GOLGA6L7: variants seen among roughly 807,000 people sequenced by gnomAD.
GOLGA6L7 encodes the protein golgin subfamily A member 6-like protein 7.
In GOLGA6L7, 29 loss-of-function variants were observed where a neutral mutation model predicts 68.9. That is an observed-to-expected ratio of 0.42 (90% CI 0.31 to 0.57). GOLGA6L7 has a LOEUF of 0.57. Among genes scored for constraint, GOLGA6L7 ranks in the 20% least tolerant of loss-of-function variants. GOLGA6L7 has a pLI of 0.13. For missense variants in GOLGA6L7, 396 were observed against 588.4 expected (o/e 0.67, Z 3.38); for synonymous variants, 133 against 197.4 (o/e 0.67, Z 2.73).
chr15:28,843,097 T>A lies in GOLGA6L7; in HGVS notation c.1007A>T (p.Glu336Val), dbSNP rs1211252825. The A allele has an allele frequency of 7.7e-6, 10 of 1,302,078 alleles. No homozygotes were observed. Among genetic ancestry groups the A allele is most frequent in the Non-Finnish European group, 3.9e-6 (4 of 1,029,152 alleles). 80.7% of individuals were successfully genotyped at this position (1,302,078 alleles called of 1,614,324 possible). Residue 336 changes from glutamate to valine, a missense_variant, in exon 9 of 9, where the codon GAG becomes GTG. Transcript: ENST00000567390. Reference protein sequence around the residue: ...QMGKQEEQMGEQEEQMRKQEK... With the variant: ...QMGKQEEQMGVQEEQMRKQEK... ...CTGCTTCCGCATCTGCTCCTCCTGCTCCCCCATCTGCTCCTCCTGCTTCCC... is the reference window on the plus strand; with the variant it reads ...CTGCTTCCGCATCTGCTCCTCCTGCACCCCCATCTGCTCCTCCTGCTTCCC...
Position 28,843,217 on chromosome 15 carries a change from TCCTGCTTCCGCATCTGCTC to T in GOLGA6L7, c.868_886del (p.Glu290ArgfsTer54). 9.5e-7 allele frequency: 1 copy of T among 1,050,762 alleles called. No homozygotes were observed. The highest frequency in any genetic ancestry group is 1.7e-5 in the African/African-American group (1 of 59,432). The allele number at this position is 1,050,762 out of a possible 1,614,324, so 65.1% of individuals were successfully genotyped here. A position where few individuals can be genotyped will look rare whatever the true frequency, so the allele number is the denominator to read the frequency against. On this transcript the variant is annotated frameshift_variant, in exon 9 of 9. Coordinates refer to ENST00000567390, the MANE Select transcript of GOLGA6L7 (RefSeq NM_001365371.2). LOFTEE classifies it high-confidence loss of function. ...CTCCTCCTGCTTCCGCATCTGCTCC[TCCTGCTTCCGCATCTGCTC>T]CTCCTGCTTCCGCATCTGCTCCTCC... is the stretch of plus-strand genomic sequence containing the variant.
At position 28,842,367 on chromosome 15, in the gene GOLGA6L7, G is replaced by T; in HGVS notation, c.1737C>A (p.Asn579Lys). ...REAGKGYSHD[N>K]RTAQIMQLPP... The stretch of plus-strand genomic sequence containing the variant: ...GCAGCTGCATGATCTGTGCAGTGCG[G>T]TTGTCATGGGAATAACCCTTCCCGG... Residue 579 changes from asparagine to lysine, a missense_variant, in exon 9 of 9, where the codon AAC becomes AAA. This residue lies in a region of GOLGA6L7 where 125 missense variants were observed against 163.3 expected (regional missense o/e 0.77). Transcript: ENST00000567390. The T allele has an allele frequency of 8.1e-7, 1 of 1,236,404 alleles. No individual in the cohort carries two copies. Among genetic ancestry groups the T allele is most frequent in the Non-Finnish European group, 1.0e-6 (1 of 988,088 alleles). 76.6% of individuals were successfully genotyped at this position (1,236,404 alleles called of 1,614,324 possible).
At chr15:28,844,745 G>T (rs541154850) in intron 6 of GOLGA6L7, among the ~76,000 whole-genome samples, 1 of 152,074 alleles carries the variant, frequency 6.6e-6, no homozygotes, top group East Asian at 1.9e-4. Context: ...TTTCTTGAGT[G>T]CTTCACCAGG....
chr15:28,847,639 A>G (rs1350146603), intron 1 of GOLGA6L7, among the ~76,000 whole-genome samples: 2 of 152,286 alleles, frequency 1.3e-5, no homozygotes, highest in Admixed American at 1.3e-4. Flanking sequence ...TTTGAAATCT[A>G]TGTGACTATC....
chr15:28,847,494 C>T (rs1245522074), intron 1 of GOLGA6L7, among the ~76,000 whole-genome samples: 1 of 152,074 alleles, frequency 6.6e-6, no homozygotes, highest in East Asian at 1.9e-4. Context: ...AAGGTGTACA[C>T]TGTGTGGTTT....
rs2141052256 is a variant in GOLGA6L7, at chr15:28,843,773, T to TA, written c.623dup (p.Arg210LysfsTer300). ...TTTTGTCCGTCTCCAGTTTCCTTTT[T>TA]AGCTCCTTGATGTGGAGCTGGATCT... On this transcript the variant is annotated frameshift_variant, in exon 8 of 9. Coordinates refer to ENST00000567390, the MANE Select transcript of GOLGA6L7 (RefSeq NM_001365371.2). LOFTEE classifies it high-confidence loss of function. The TA allele has an allele frequency of 1.5e-6, 1 of 676,628 alleles. No individual in the cohort carries two copies. Among genetic ancestry groups the TA allele is most frequent in the Admixed American group, 2.4e-5 (1 of 41,422 alleles). The allele number at this position is 676,628 out of a possible 1,614,324, so 41.9% of individuals were successfully genotyped here.
Position 28,842,470 on chromosome 15 carries a change from C to G in GOLGA6L7, c.1634G>C (p.Cys545Ser), listed in dbSNP as rs531448726. ...GGAGGGAGGGAGGCAGGGCTCTGAGCACCGCTCCTCCTGCGTCTTCTCCTG... is the reference window on the plus strand; with the variant it reads ...GGAGGGAGGGAGGCAGGGCTCTGAGGACCGCTCCTCCTGCGTCTTCTCCTG... Reference protein sequence around the residue: ...GEQEKTQEERCSEPCLPPSKY... With the variant: ...GEQEKTQEERSSEPCLPPSKY... Residue 545 changes from cysteine (C) to serine (S), a missense_variant, in exon 9 of 9, where the codon TGC (cysteine) becomes TCC (serine). By Grantham distance (112) the Cys-to-Ser change is moderately radical. Coordinates refer to ENST00000567390, the MANE Select transcript of GOLGA6L7 (RefSeq NM_001365371.2). 8.8e-7 allele frequency: 1 copy of G among 1,141,352 alleles called. No homozygotes were observed. The highest frequency in any genetic ancestry group is 1.1e-6 in the Non-Finnish European group (1 of 896,294). The allele number at this position is 1,141,352 out of a possible 1,614,324, so 70.7% of individuals were successfully genotyped here.
Position 28,842,199 on chromosome 15 carries a change from G to A in GOLGA6L7, c.*36C>T, listed in dbSNP as rs1464473341. 8.2e-6 allele frequency: 10 copies of A among 1,222,780 alleles called. No individual in the cohort carries two copies. The highest frequency in any genetic ancestry group is 4.7e-5 in the African/African-American group (3 of 63,956). The allele number at this position is 1,222,780 out of a possible 1,614,324, so 75.7% of individuals were successfully genotyped here. A position where few individuals can be genotyped will look rare whatever the true frequency, so the allele number is the denominator to read the frequency against. ...GACTGTATTCACAAGGTCACATGGC[G>A]GCTTACACTTCTGTAGGCCTTGTTG... On this transcript the variant is annotated 3_prime_UTR_variant, in exon 9 of 9. Coordinates refer to ENST00000567390, the MANE Select transcript of GOLGA6L7 (RefSeq NM_001365371.2).
chr15:28,848,206 G>A (rs116554349), intron 1 of GOLGA6L7, among the ~76,000 whole-genome samples: 6 of 152,140 alleles, frequency 3.9e-5, no homozygotes, highest in South Asian at 2.1e-4. Context: ...ACGTGAGCCC[G>A]AAGGGCCCAG....
intron 1 of GOLGA6L7, among the ~76,000 whole-genome samples, chr15:28,848,088 C>T (rs1175378281): frequency 2.0e-5 from 3 of 152,104 alleles, no homozygotes; most frequent in African/African-American, 4.8e-5. Flanking sequence ...CTTGGGGCAG[C>T]GGTAGGTGAG....
Position 28,843,862 on chromosome 15 carries a change from C to A in GOLGA6L7, c.535G>T (p.Glu179Ter). 8.9e-7 allele frequency: 1 copy of A among 1,118,050 alleles called. No homozygotes were observed. Among genetic ancestry groups the A allele is most frequent in the Non-Finnish European group, 1.3e-6 (1 of 765,632 alleles). 69.3% of individuals were successfully genotyped at this position (1,118,050 alleles called of 1,614,324 possible). ...AGTTCGGCATTTTTCTCCTTCAGCTCCTTATTGGTTATGCTATGGCCGGAG... is the reference window on the plus strand; with the variant it reads ...AGTTCGGCATTTTTCTCCTTCAGCTACTTATTGGTTATGCTATGGCCGGAG... ...ELFRNIITNK[E>*]LKEKNAELQE... is the part of the protein sequence containing the mutation. The change falls in exon 8 of 9, where the codon GAG (glutamate) becomes TAG (stop). Residue 179 changes from glutamate (E) to a stop codon, truncating the protein, a stop_gained. Transcript: ENST00000567390. LOFTEE classifies it high-confidence loss of function.
chr15:28,848,005 G>C (rs2141057215), intron 1 of GOLGA6L7, among the ~76,000 whole-genome samples: 3 of 152,310 alleles, frequency 2.0e-5, no homozygotes, highest in Middle Eastern at 3.4e-3. Context: ...GCCTCTTTGA[G>C]ATTGGCATGG....
chr15:28,848,407 C>G, intron 1 of GOLGA6L7, 92 bp downstream of exon 1: 2 of 679,714 alleles, frequency 2.9e-6, no homozygotes, highest in South Asian at 1.6e-5. Flanking sequence ...CTGCGTGCCT[C>G]TGGAGTGACA....
At chr15:28,846,410 A>T (rs1454711905) in intron 2 of GOLGA6L7, among the ~76,000 whole-genome samples, 161 bp from the exon 3 acceptor site, 1 of 152,204 alleles carries the variant, frequency 6.6e-6, no homozygotes, top group Non-Finnish European at 1.5e-5. Flanking sequence ...CCAAAGAAAA[A>T]GGATTTGGGT....
chr15:28,845,318 T>A (rs2030382858), intron 6 of GOLGA6L7: 2 of 652,914 alleles, frequency 3.1e-6, no homozygotes, highest in Non-Finnish European at 5.6e-6. Context: ...GAGCTCTGTG[T>A]CCAGTGCTCG....
Position 28,843,229 on chromosome 15 carries a change from A to C in GOLGA6L7, c.875T>G (p.Met292Arg), listed in dbSNP as rs565154128. The C allele has an allele frequency of 9.7e-6, 12 of 1,234,002 alleles. No homozygotes were observed. In the African/African-American group the frequency reaches 1.7e-4, roughly 18 times the overall value. The allele number at this position is 1,234,002 out of a possible 1,614,324, so 76.4% of individuals were successfully genotyped here. A position where few individuals can be genotyped will look rare whatever the true frequency, so the allele number is the denominator to read the frequency against. ...EEQMRKQEEQ[M>R]RKQEEQMRKQ... ...CCGCATCTGCTCCTCCTGCTTCCGC[A>C]TCTGCTCCTCCTGCTTCCGCATCTG... Residue 292 changes from methionine (M) to arginine (R), a missense_variant, in exon 9 of 9, where the codon ATG becomes AGG. Physicochemically the swap from Met to Arg is moderately conservative, Grantham distance 91 (BLOSUM62 -1). Around this residue, in one of 5 missense-constraint regions of GOLGA6L7, gnomAD observed 114 missense variants for 186.0 expected, o/e 0.61. Transcript: ENST00000567390.
chr15:28,845,281 T>C (rs2141054177), intron 6 of GOLGA6L7: 1 of 601,584 alleles, frequency 1.7e-6, no homozygotes, highest in South Asian at 1.8e-5. Flanking sequence ...CACAGCCAAG[T>C]ATGGGTGGGG....
At chr15:28,845,462 C>T in intron 6 of GOLGA6L7, 67 bp downstream of exon 6, 1 of 701,268 alleles carries the variant, frequency 1.4e-6, no homozygotes, top group South Asian at 1.5e-5. Context: ...GCAGAAGGGA[C>T]CTTTAGGCTC....
chr15:28,845,974 G>A, intron 3 of GOLGA6L7, 24 bp from the exon 4 acceptor site: 3 of 1,119,092 alleles, frequency 2.7e-6, no homozygotes, highest in Non-Finnish European at 4.0e-6. Context: ...GAGGAAGACA[G>A]AGCTCTTACT....
Sources: allele counts gnomAD v4.1 joint callset (sites outside exome capture counted in the v4.1 genomes callset), GRCh38; gene constraint gnomAD v4.1.1; regional missense constraint gnomAD v4.1.1; transcripts MANE v1.5; gene names NCBI Gene and HGNC (gene_info 2026-07-23, HGNC 2026-07-21).